Variants in PRRG1 observed in about 807,000 individuals in gnomAD.
PRRG1 encodes the protein proline rich and Gla domain 1.
A neutral mutation model predicts 11.8 loss-of-function variants in PRRG1; 5 were observed. That is an observed-to-expected ratio of 0.42 (90% CI 0.22 to 0.89). The LOEUF (loss-of-function observed/expected upper bound fraction) is 0.89. Among genes scored for constraint, PRRG1 ranks in the 40% least tolerant of loss-of-function variants. The pLI is 0.28. For missense variants in PRRG1, 155 were observed against 166.1 expected, an observed-to-expected ratio of 0.93 and a Z score of 0.37; for synonymous variants, 66 against 60.4, an observed-to-expected ratio of 1.09 and a Z score of -0.43.
rs868919546 is a variant in PRRG1, at chrX:37,401,319, G to C, written c.-41-4890G>C. ...GTGGGCTTCATCCCTGGGATGCAAGGCTGGTTCAATATACGCAAATCAATA... is the reference window on the plus strand; with the variant it reads ...GTGGGCTTCATCCCTGGGATGCAAGCCTGGTTCAATATACGCAAATCAATA... On this transcript the variant is annotated intron_variant, in intron 1 of 3. Coordinates refer to ENST00000378628, the MANE Select transcript of PRRG1 (RefSeq NM_001142395.2). Among the ~76,000 whole-genome samples the C allele has an allele frequency of 8.7e-4, 96 of 110,976 alleles. 1 individual carries two copies. In the South Asian group the frequency reaches 0.036, roughly 42 times the overall value.
intron 1 of PRRG1, among the ~76,000 whole-genome samples, chrX:37,388,876 T>C (rs145901824): frequency 0.043 from 4,803 of 112,736 alleles, 263 homozygotes; most frequent in African/African-American, 0.15. Flanking sequence ...TTTCCAAGCT[T>C]TTATGCTCTG....
intron 3 of PRRG1, among the ~76,000 whole-genome samples, chrX:37,435,817 A>G (rs1932879181): frequency 9.0e-6 from 1 of 111,467 alleles, no homozygotes; most frequent in Non-Finnish European, 1.9e-5. Flanking sequence ...ATTCTGGAAA[A>G]AAAGGACATT....
At chrX:37,357,537 A>G (rs1276803612) in intron 1 of PRRG1, among the ~76,000 whole-genome samples, 1 of 112,208 alleles carries the variant, frequency 8.9e-6, no homozygotes, top group Non-Finnish European at 1.9e-5. Context: ...AATTCCAGAA[A>G]TAAATGTCGT....
rs781846768 is a variant in PRRG1, at chrX:37,455,561, A to G, written c.*1940A>G. ...CTGAAACTGTGCCAACTGAAAGATG[A>G]TAGTCCACACAGCACAAACAGGTTT... On this transcript the variant is annotated 3_prime_UTR_variant, in exon 4 of 4. Coordinates refer to ENST00000378628, the MANE Select transcript of PRRG1 (RefSeq NM_001142395.2). 4.5e-5 allele frequency: 5 copies of G among 112,275 alleles called. No homozygotes were observed. The highest frequency in any genetic ancestry group is 9.4e-5 in the Non-Finnish European group (5 of 53,317). 9.3% of individuals were successfully genotyped at this position (112,275 alleles called of 1,213,427 possible).
At chrX:37,363,315 A>G (rs1930470155) in intron 1 of PRRG1, among the ~76,000 whole-genome samples, 1 of 111,883 alleles carries the variant, frequency 8.9e-6, no homozygotes, top group Non-Finnish European at 1.9e-5. Flanking sequence ...TCAGTTTCAT[A>G]CAGTAAGACT....
chrX:37,434,560 G>C (rs782335571), intron 3 of PRRG1, among the ~76,000 whole-genome samples: 8 of 111,873 alleles, frequency 7.2e-5, no homozygotes, highest in African/African-American at 2.3e-4. Flanking sequence ...CCTTGATCTG[G>C]TGTCTGAGCT....
In PRRG1 at chrX:37,425,967, A is replaced by C; in HGVS notation, c.138A>C (p.Glu46Asp). 1 of 1,188,361 alleles carries C rather than the reference A, an allele frequency of 8.4e-7. No homozygotes were observed. The highest frequency in any genetic ancestry group is 1.1e-6 in the Non-Finnish European group (1 of 886,219). The change falls in exon 3 of 4, where the codon GAA (glutamate) becomes GAC (aspartate). Residue 46 changes from glutamate to aspartate, a missense_variant. Physicochemically the swap from Glu to Asp is conservative, Grantham distance 45. Coordinates refer to ENST00000378628, the MANE Select transcript of PRRG1 (RefSeq NM_001142395.2). The stretch of plus-strand genomic sequence containing the variant: ...AAGAAGAATTCTGTACATTTGAAGA[A>C]GCAAGAGAAGCTTTTGAAAATAATG... Reference protein sequence around the residue: ...ECKEEFCTFEEAREAFENNEK... With the variant: ...ECKEEFCTFEDAREAFENNEK...
intron 3 of PRRG1, among the ~76,000 whole-genome samples, chrX:37,433,342 G>A (rs782796082): frequency 9.0e-6 from 1 of 111,554 alleles, no homozygotes; most frequent in African/African-American, 3.3e-5. Flanking sequence ...CTTTGCTGTG[G>A]CTTTCTTGTG....
intron 1 of PRRG1, among the ~76,000 whole-genome samples, chrX:37,397,060 A>G (rs1470360642): frequency 8.9e-6 from 1 of 112,796 alleles, no homozygotes; most frequent in African/African-American, 3.2e-5. Context: ...ATATTTTTGG[A>G]TTGACTGAAG....
At chrX:37,395,614 C>CA (rs150257827) in intron 1 of PRRG1, among the ~76,000 whole-genome samples, 5,373 of 62,262 alleles carry the variant, frequency 0.086, 399 homozygotes, top group African/African-American at 0.25. Flanking sequence ...GACTCCATCT[C>CA]AAAAAAAAAA....
intron 1 of PRRG1, among the ~76,000 whole-genome samples, chrX:37,387,776 G>A (rs546754511): frequency 6.3e-5 from 7 of 111,021 alleles, no homozygotes; most frequent in African/African-American, 2.3e-4. Flanking sequence ...CTCTCACATT[G>A]CAAAATACAA....
intron 1 of PRRG1, among the ~76,000 whole-genome samples, chrX:37,358,168 G>A (rs1417133484): frequency 2.7e-5 from 3 of 110,341 alleles, no homozygotes; most frequent in Admixed American, 9.6e-5. Flanking sequence ...TATATGTTAT[G>A]TCTTCTGCAA....
At chrX:37,412,875 C>A (rs1556384216) in intron 2 of PRRG1, among the ~76,000 whole-genome samples, 1 of 110,817 alleles carries the variant, frequency 9.0e-6, no homozygotes, top group African/African-American at 3.3e-5. Context: ...TTAATGGAGG[C>A]AAAATTTATA....
chrX:37,403,822 A>G (rs888918123), intron 1 of PRRG1: 1 of 682,623 alleles, frequency 1.5e-6, no homozygotes, highest in Non-Finnish European at 1.7e-6. Context: ...TGATATGGGT[A>G]TTAGGCCTTG....
chrX:37,378,246 C>T (rs1931042265), intron 1 of PRRG1, among the ~76,000 whole-genome samples: 1 of 111,849 alleles, frequency 8.9e-6, no homozygotes. Flanking sequence ...TATCCTTTGT[C>T]TTACTCTTAT....
At chrX:37,402,828 C>T (rs1932049413) in intron 1 of PRRG1, among the ~76,000 whole-genome samples, 1 of 111,458 alleles carries the variant, frequency 9.0e-6, no homozygotes, top group African/African-American at 3.3e-5. Flanking sequence ...AGGACATGAA[C>T]AGACACTTCT....
intron 3 of PRRG1, among the ~76,000 whole-genome samples, chrX:37,445,330 A>G (rs1933055055): frequency 8.9e-6 from 1 of 112,166 alleles, no homozygotes; most frequent in Non-Finnish European, 1.9e-5. Context: ...GGACCAAAGT[A>G]TCAGTCTAAA....
At chrX:37,427,513 T>C (rs1333145318) in intron 3 of PRRG1, among the ~76,000 whole-genome samples, 1 of 112,165 alleles carries the variant, frequency 8.9e-6, no homozygotes, top group Non-Finnish European at 1.9e-5. Context: ...TTTAAGTATA[T>C]AATATAACAT....
At chrX:37,423,589 G>A (rs1017495460) in intron 2 of PRRG1, among the ~76,000 whole-genome samples, 19 of 108,853 alleles carry the variant, frequency 1.7e-4, no homozygotes, top group African/African-American at 6.0e-4. Context: ...GGCTGGTCTC[G>A]AACTCCTGGG....
Sources: allele counts gnomAD v4.1 joint callset (sites outside exome capture counted in the v4.1 genomes callset), GRCh38; gene constraint gnomAD v4.1.1; transcripts MANE v1.5; gene names NCBI Gene and HGNC (gene_info 2026-07-23, HGNC 2026-07-21).